The following H2BC5 variants were observed in gnomAD, a reference collection of about 807,000 sequenced individuals.
The protein encoded by H2BC5 is histone H2B type 1-D.
A neutral mutation model predicts 5.7 loss-of-function variants in H2BC5; 9 were observed. The observed-to-expected ratio is 1.57, with a 90% CI of 0.95 to 2.74. The LOEUF (loss-of-function observed/expected upper bound fraction) is 2.74. Among genes scored for constraint, H2BC5 ranks in the 30% most tolerant of loss-of-function variants. H2BC5 has a pLI of 0.00. For missense variants in H2BC5, 175 were observed against 168.8 expected, an observed-to-expected ratio of 1.04 and a Z score of -0.20; for synonymous variants, 133 against 70.9, an observed-to-expected ratio of 1.88 and a Z score of -4.40.
At chr6:26,163,964 C>A in intron 1 of H2BC5, 2 of 286,366 alleles carry the variant, frequency 7.0e-6, no homozygotes, top group South Asian at 6.7e-5. Context: ...ATAAACAAGT[C>A]ACTGAAATCT....
chr6:26,167,294 T>C (rs959551969), intron 1 of H2BC5, among the ~76,000 whole-genome samples: 1 of 152,138 alleles, frequency 6.6e-6, no homozygotes, highest in Non-Finnish European at 1.5e-5. Context: ...CTTTCAAGGT[T>C]TGTCCATGCC....
Position 26,165,320 on chromosome 6 carries a change from A to G in H2BC5, c.*10-5655A>G, listed in dbSNP as rs190138108. Among the ~76,000 whole-genome samples the G allele has an allele frequency of 1.0e-2, 1,522 of 152,234 alleles. 19 individuals are homozygous for G. The highest frequency in any genetic ancestry group is 0.034 in the Middle Eastern group (10 of 294). On this transcript the variant is annotated intron_variant, in intron 1 of 1. Transcript: ENST00000289316. The stretch of plus-strand genomic sequence containing the variant: ...CTAGAATCTTTCTCTGGGCTGCTGC[A>G]TGTACACAGCCTCTGTCCTGGAGGC...
intron 1 of H2BC5, among the ~76,000 whole-genome samples, chr6:26,164,780 A>G (rs930247979): frequency 6.6e-6 from 1 of 151,720 alleles, no homozygotes; most frequent in Non-Finnish European, 1.5e-5. Context: ...GCACCATCCC[A>G]TGGAAGGCTC....
chr6:26,158,244 G>A lies in H2BC5; in HGVS notation c.75G>A (p.Lys25=), dbSNP rs748549412. Residue 25 remains lysine, a synonymous_variant, in exon 1 of 1, where the codon AAG becomes AAA. Coordinates refer to ENST00000377777, the MANE Select transcript of H2BC5 (RefSeq NM_021063.4). ...AGGCGGTGACTAAGGCTCAGAAGAA[G>A]GACGGGAAGAAGCGCAAGCGCAGCC... The part of the protein sequence containing the change: ...SKKAVTKAQK[K]DGKKRKRSRK... 13 of 1,614,134 alleles carry A rather than the reference G, an allele frequency of 8.1e-6. No homozygotes were observed. In the East Asian group the frequency reaches 1.3e-4, roughly 17 times the overall value.
chr6:26,158,667 C>T (rs1764285410), downstream of H2BC5: 2 of 1,432,798 alleles, frequency 1.4e-6, no homozygotes, highest in East Asian at 2.3e-5. Context: ...GGACTTAGCA[C>T]CACAGTACCA....
At chr6:26,167,021 ATTCTTTTCT>A (rs1764442445) in intron 1 of H2BC5, among the ~76,000 whole-genome samples, 1 of 93,278 alleles carries the variant, frequency 1.1e-5, no homozygotes, top group Non-Finnish European at 2.4e-5. Context: ...TTTTCTTCAC[ATTCTTTTCT>A]TTCTTTTTTT....
intron 1 of H2BC5, chr6:26,164,132 C>G: frequency 2.2e-6 from 1 of 448,604 alleles, no homozygotes. Context: ...AGTAGATCCC[C>G]CCGTGGGTGA....
rs1764278820 is a variant in H2BC5, at chr6:26,158,490, G to C, written c.321G>C (p.Leu107=). The change falls in exon 1 of 1, where the codon CTG becomes CTC. Residue 107 remains leucine, a synonymous_variant. Transcript: ENST00000377777. ...TGCGCCTGCTGCTTCCGGGGGAGCT[G>C]GCCAAGCACGCCGTGTCGGAGGGCA... ...TAVRLLLPGE[L]AKHAVSEGTK... is the part of the protein sequence containing the mutation. 1 of 1,614,256 alleles carries C rather than the reference G, an allele frequency of 6.2e-7. No individual in the cohort carries two copies. The highest frequency in any genetic ancestry group is 1.3e-5 in the African/African-American group (1 of 75,070).
downstream of H2BC5, among the ~76,000 whole-genome samples, chr6:26,159,773 G>A (rs1243680242): frequency 6.6e-6 from 1 of 152,116 alleles, no homozygotes; most frequent in African/African-American, 2.4e-5. Context: ...GATGGATTAT[G>A]GGATACATTT....
At chr6:26,169,505 TAATAA>T (rs537420335) in intron 1 of H2BC5, among the ~76,000 whole-genome samples, 3 of 152,186 alleles carry the variant, frequency 2.0e-5, no homozygotes, top group Non-Finnish European at 2.9e-5. Flanking sequence ...AATTTTTGAG[TAATAA>T]AATATTGTTT....
At chr6:26,167,902 TTTA>T (rs1407746817) in intron 1 of H2BC5, among the ~76,000 whole-genome samples, 3 of 151,664 alleles carry the variant, frequency 2.0e-5, no homozygotes, top group African/African-American at 7.2e-5. Flanking sequence ...TTTTTATTTT[TTTA>T]TTATTATACT....
Position 26,158,165 on chromosome 6 carries a change from C to A in H2BC5, c.-5C>A. The A allele has an allele frequency of 6.2e-7, 1 of 1,612,056 alleles. No individual in the cohort carries two copies. The highest frequency in any genetic ancestry group is 8.5e-7 in the Non-Finnish European group (1 of 1,179,260). On this transcript the variant is annotated 5_prime_UTR_variant, in exon 1 of 1. Coordinates refer to ENST00000377777, the MANE Select transcript of H2BC5 (RefSeq NM_021063.4). ...TGCAACAGTGTTCTAACTATTAACG[C>A]TACGATGCCTGAACCTACCAAGTCT...
downstream of H2BC5, among the ~76,000 whole-genome samples, chr6:26,160,590 C>T (rs1468676016): frequency 6.6e-6 from 1 of 151,158 alleles, no homozygotes; most frequent in African/African-American, 2.4e-5. Flanking sequence ...GACTTGAGGC[C>T]AGGCACGGTG....
downstream of H2BC5, chr6:26,158,735 C>T (rs1764286928): frequency 6.0e-6 from 6 of 993,774 alleles, no homozygotes; most frequent in East Asian, 1.1e-4. Flanking sequence ...CAGGGAATAA[C>T]AATAGGTACT....
rs1484225094 is a variant in H2BC5 at position 26,158,192 on chromosome 6, C to T, written c.23C>T (p.Ala8Val). MPEPTKS[A>V]PAPKKGSKKA... The stretch of plus-strand genomic sequence containing the variant: ...ACGATGCCTGAACCTACCAAGTCTG[C>T]TCCTGCCCCAAAGAAGGGCTCCAAG... Residue 8 changes from alanine (A) to valine (V), a missense_variant, in exon 1 of 1, where the codon GCT becomes GTT. Physicochemically the swap from Ala to Val is moderately conservative, Grantham distance 64 (BLOSUM62 0). This residue lies in a region of H2BC5 where 119 missense variants were observed against 85.6 expected (regional missense o/e 1.39). Transcript: ENST00000377777. The T allele has an allele frequency of 1.9e-6, 3 of 1,614,056 alleles. No individual in the cohort carries two copies. Among genetic ancestry groups the T allele is most frequent in the Admixed American group, 3.3e-5 (2 of 60,010 alleles).
intron 1 of H2BC5, among the ~76,000 whole-genome samples, chr6:26,164,596 T>TTATATATATA (rs113707312): frequency 6.1e-5 from 9 of 147,706 alleles, no homozygotes; most frequent in Non-Finnish European, 1.2e-4. Flanking sequence ...AAGGGAGATT[T>TTATATATATA]TATATATATA....
intron 1 of H2BC5, among the ~76,000 whole-genome samples, chr6:26,168,852 T>C (rs1459675873): frequency 1.3e-5 from 2 of 152,236 alleles, no homozygotes; most frequent in Non-Finnish European, 2.9e-5. Context: ...GCATTGAATG[T>C]ATTAATTCAT....
chr6:26,158,765 T>C (rs1009181), downstream of H2BC5: 242,336 of 728,612 alleles, frequency 0.33, 42,875 homozygotes, highest in African/African-American at 0.38. Flanking sequence ...GTGCTATGGG[T>C]ACGTATTAGA....
At chr6:26,160,785 C>T (rs113657606), downstream of H2BC5, 5,704 of 151,092 alleles carry the variant, frequency 0.038, 116 homozygotes, top group African/African-American at 0.04. Context: ...AGGAGAATCG[C>T]GTGAACCCGG....
Sources: allele counts gnomAD v4.1 joint callset (sites outside exome capture counted in the v4.1 genomes callset), GRCh38; gene constraint gnomAD v4.1.1; regional missense constraint gnomAD v4.1.1; transcripts MANE v1.5; gene names NCBI Gene and HGNC (gene_info 2026-07-23, HGNC 2026-07-21).